Variants in WIPF3 observed in about 807,000 individuals in gnomAD.
WIPF3 encodes the protein WAS/WASL interacting protein family member 3.
A neutral mutation model predicts 38.9 loss-of-function variants in WIPF3; 33 were observed. The ratio of observed to expected loss-of-function variants is 0.85; its 90% CI spans 0.64 to 1.14. The LOEUF (loss-of-function observed/expected upper bound fraction) is 1.14. Ranked by LOEUF, WIPF3 falls within the 50% of genes most tolerant of loss-of-function variation. The pLI, the probability that WIPF3 is intolerant of heterozygous loss-of-function variation, is 0.00. For synonymous variants in WIPF3, 324 were observed against 269.3 expected (o/e 1.20, Z -1.99); for missense variants, 711 against 652.5 (o/e 1.09, Z -0.98).
At chr7:29,882,610 C>T (rs1785744065) in intron 4 of WIPF3, among the ~76,000 whole-genome samples, 1 of 152,184 alleles carries the variant, frequency 6.6e-6, no homozygotes, top group Admixed American at 6.5e-5. Flanking sequence ...TTTTGACATC[C>T]AGTACTTTAA....
At chr7:29,846,465 C>T (rs1785002529) in intron 2 of WIPF3, among the ~76,000 whole-genome samples, 1 of 152,204 alleles carries the variant, frequency 6.6e-6, no homozygotes, top group Non-Finnish European at 1.5e-5. Context: ...CTTTGGGAGG[C>T]CCAGGCAGGT....
intron 1 of WIPF3, among the ~76,000 whole-genome samples, chr7:29,829,509 G>A (rs1182500006): frequency 3.3e-5 from 5 of 152,132 alleles, no homozygotes; most frequent in East Asian, 3.9e-4. Flanking sequence ...GTGAGCCACC[G>A]TGCCTGAATT....
chr7:29,903,324 T>G (rs1328510874), intron 7 of WIPF3, among the ~76,000 whole-genome samples: 2 of 151,864 alleles, frequency 1.3e-5, no homozygotes, highest in African/African-American at 4.8e-5. Context: ...AATAAAATAA[T>G]AAAAAAACAG....
At chr7:29,813,883 A>G (rs1377737139) in intron 1 of WIPF3, among the ~76,000 whole-genome samples, 2 of 152,000 alleles carry the variant, frequency 1.3e-5, no homozygotes, top group South Asian at 2.1e-4. Flanking sequence ...GATATTTGCT[A>G]TAAACGGAAT....
chr7:29,887,863 G>A (rs1439065784), intron 5 of WIPF3, among the ~76,000 whole-genome samples: 1 of 152,190 alleles, frequency 6.6e-6, no homozygotes, highest in East Asian at 1.9e-4. Context: ...TTACAGATGA[G>A]GAAACTAAAA....
intron 7 of WIPF3, among the ~76,000 whole-genome samples, chr7:29,896,809 T>G (rs1786155139): frequency 6.6e-6 from 1 of 152,172 alleles, no homozygotes; most frequent in Non-Finnish European, 1.5e-5. Context: ...AATGCAAAGG[T>G]CACAAATATT....
intron 2 of WIPF3, among the ~76,000 whole-genome samples, chr7:29,873,398 T>C (rs1785532878): frequency 6.6e-6 from 1 of 152,196 alleles, no homozygotes. Context: ...TCCCTGACCA[T>C]AATGCATACC....
intron 4 of WIPF3, among the ~76,000 whole-genome samples, chr7:29,879,946 A>T (rs1317003510): frequency 6.6e-6 from 1 of 152,208 alleles, no homozygotes. Flanking sequence ...AGCCAAAACA[A>T]GTCACAAGGA....
intron 8 of WIPF3, among the ~76,000 whole-genome samples, chr7:29,913,775 T>G (rs1045844589): frequency 6.6e-6 from 1 of 152,236 alleles, no homozygotes; most frequent in Non-Finnish European, 1.5e-5. Context: ...AATGCCTCAC[T>G]GCTTTTCCTG....
intron 2 of WIPF3, among the ~76,000 whole-genome samples, chr7:29,859,800 A>G (rs997520522): frequency 6.6e-6 from 1 of 152,184 alleles, no homozygotes; most frequent in African/African-American, 2.4e-5. Flanking sequence ...TAAGTTTATA[A>G]GAGTGGAAAT....
At chr7:29,819,248 A>G (rs953288810) in intron 1 of WIPF3, among the ~76,000 whole-genome samples, 4 of 151,266 alleles carry the variant, frequency 2.6e-5, no homozygotes, top group African/African-American at 9.7e-5. Context: ...TGATTAACTC[A>G]TGTTTTCATA....
At chr7:29,882,832 A>C (rs1337962584) in intron 4 of WIPF3, among the ~76,000 whole-genome samples, 2 of 151,924 alleles carry the variant, frequency 1.3e-5, no homozygotes, top group African/African-American at 2.4e-5. Flanking sequence ...AGGGGAAAAC[A>C]CCCCCCAGAA....
At chr7:29,830,568 C>T (rs559640043) in intron 1 of WIPF3, among the ~76,000 whole-genome samples, 69 of 148,196 alleles carry the variant, frequency 4.7e-4, no homozygotes, top group Middle Eastern at 7.0e-3. Context: ...TGCAGTGAGC[C>T]GAGATCACGC....
At chr7:29,851,753 T>C (rs1266829502) in intron 2 of WIPF3, among the ~76,000 whole-genome samples, 1 of 152,238 alleles carries the variant, frequency 6.6e-6, no homozygotes, top group South Asian at 2.1e-4. Flanking sequence ...ACGGGTGCCC[T>C]GAGAGCTGAG....
intron 5 of WIPF3, among the ~76,000 whole-genome samples, chr7:29,887,459 C>T (rs1225055433): frequency 6.6e-6 from 1 of 152,222 alleles, no homozygotes; most frequent in Non-Finnish European, 1.5e-5. Context: ...GTGAGCCTCT[C>T]AGGCATGATC....
rs1051697559 is a variant in WIPF3, at chr7:29,823,399, A to G, written c.-57-11269A>G. 3.9e-5 allele frequency among the ~76,000 whole-genome samples: 6 copies of G among 152,188 alleles called. No homozygotes were observed. Among genetic ancestry groups the G allele is most frequent in the Non-Finnish European group, 5.9e-5 (4 of 68,022 alleles). ...AATATATTTTATTCCCACGCCGATA[A>G]TGAGGTCTACCATTGGACAGAAACT... On this transcript the variant is annotated intron_variant, in intron 1 of 8. Coordinates refer to ENST00000242140, the MANE Select transcript of WIPF3 (RefSeq NM_001080529.3). The surrounding 1 kb of genome is among the most constrained non-coding windows in gnomAD (Gnocchi z 4.0).
intron 1 of WIPF3, among the ~76,000 whole-genome samples, chr7:29,807,776 T>C (rs750982798): frequency 2.0e-5 from 3 of 152,318 alleles, no homozygotes; most frequent in Middle Eastern, 3.4e-3. Context: ...TCTCTTCGCC[T>C]CTGTGCCTGG....
intron 1 of WIPF3, among the ~76,000 whole-genome samples, chr7:29,830,050 G>C (rs946222313): frequency 2.6e-5 from 4 of 151,756 alleles, no homozygotes; most frequent in African/African-American, 9.7e-5. Context: ...ATTCTCAACT[G>C]TCAGATTTTA....
At chr7:29,854,276 A>G (rs1312934491) in intron 2 of WIPF3, among the ~76,000 whole-genome samples, 3 of 152,238 alleles carry the variant, frequency 2.0e-5, no homozygotes, top group African/African-American at 7.2e-5. Flanking sequence ...CACTTCTCCC[A>G]GAATTTTCTC....
Sources: gnomAD v4.1 joint callset for allele counts (sites outside exome capture counted in the v4.1 genomes callset) on GRCh38, gnomAD v4.1.1 for gene constraint, Gnocchi (gnomAD v3.1) non-coding constraint, MANE v1.5 for transcripts, NCBI Gene and HGNC (gene_info 2026-07-23, HGNC 2026-07-21) for gene names.